The following HNRNPC variants were observed in gnomAD, a reference collection of about 807,000 sequenced individuals.
HNRNPC encodes heterogeneous nuclear ribonucleoproteins C1/C2.
Under a neutral mutation model 33.2 loss-of-function variants are expected in HNRNPC, and 3 were observed. The observed-to-expected ratio is 0.09, with a 90% CI of 0.04 to 0.23. The LOEUF (loss-of-function observed/expected upper bound fraction) is 0.23. HNRNPC is among the 10% of genes least tolerant of loss of function. The pLI, the probability that HNRNPC is intolerant of heterozygous loss-of-function variation, is 1.00. For synonymous variants in HNRNPC, 121 were observed against 126.7 expected (o/e 0.96, Z 0.30); for missense variants, 143 against 366.7 (o/e 0.39, Z 4.98).
chr14:21,239,471 T>G (rs1045006239), intron 2 of HNRNPC, among the ~76,000 whole-genome samples: 4 of 151,788 alleles, frequency 2.6e-5, no homozygotes, highest in African/African-American at 4.8e-5. Context: ...AGAGTGAGAT[T>G]CTACCTCAAA....
intron 2 of HNRNPC, among the ~76,000 whole-genome samples, chr14:21,257,405 A>T (rs1488776034): frequency 6.6e-6 from 1 of 152,108 alleles, no homozygotes; most frequent in Non-Finnish European, 1.5e-5. Context: ...AAAACGTTTC[A>T]AGGAAGAGAT....
At chr14:21,222,752 G>T (rs897218963) in intron 5 of HNRNPC, among the ~76,000 whole-genome samples, 1 of 152,046 alleles carries the variant, frequency 6.6e-6, no homozygotes, top group African/African-American at 2.4e-5. Context: ...AAATTAGCCG[G>T]GCCTTGTGGC....
At chr14:21,246,470 G>A (rs911099480) in intron 2 of HNRNPC, among the ~76,000 whole-genome samples, 3 of 151,754 alleles carry the variant, frequency 2.0e-5, no homozygotes, top group African/African-American at 7.3e-5. Flanking sequence ...GGAGGCTGAG[G>A]CAGGAAAATG....
chr14:21,222,587 G>A (rs1026434977), intron 5 of HNRNPC, among the ~76,000 whole-genome samples: 1 of 151,964 alleles, frequency 6.6e-6, no homozygotes, highest in Non-Finnish European at 1.5e-5. Flanking sequence ...AGTTTTTCTG[G>A]TACATCTTTA....
intron 5 of HNRNPC, among the ~76,000 whole-genome samples, chr14:21,220,184 G>A (rs996457243): frequency 6.6e-6 from 1 of 151,186 alleles, no homozygotes; most frequent in Non-Finnish European, 1.5e-5. Context: ...TATGCCTTAT[G>A]CGTCACGTGA....
At chr14:21,257,149 T>G (rs192683588) in intron 2 of HNRNPC, among the ~76,000 whole-genome samples, 42 of 152,138 alleles carry the variant, frequency 2.8e-4, no homozygotes, top group African/African-American at 1.0e-3. Flanking sequence ...TTCAACAGAG[T>G]TGTCATGCAG....
Position 21,209,487 on chromosome 14 carries a change from A to G in HNRNPC, c.*1736T>C, listed in dbSNP as rs1358296078. 6.6e-6 allele frequency: 1 copy of G among 152,224 alleles called. No homozygotes were observed. Among genetic ancestry groups the G allele is most frequent in the Non-Finnish European group, 1.5e-5 (1 of 68,020 alleles). 9.4% of individuals were successfully genotyped at this position (152,224 alleles called of 1,614,324 possible). A position where few individuals can be genotyped will look rare whatever the true frequency, so the allele number is the denominator to read the frequency against. On this transcript the variant is annotated 3_prime_UTR_variant, in exon 9 of 9. Coordinates refer to ENST00000553300, the MANE Select transcript of HNRNPC (RefSeq NM_004500.4). ...GTTACTTACTAAAAGTCTGTGTAAC[A>G]TGAGCTCACATCAGATTAGAAAACA...
chr14:21,211,777 T>TTATA, intron 7 of HNRNPC, 33 bp downstream of exon 7: 1 of 1,576,182 alleles, frequency 6.3e-7, no homozygotes, highest in Non-Finnish European at 8.7e-7. Context: ...CTAACCCAAC[T>TTATA]GTATACCAAG....
At chr14:21,237,462 C>A (rs969695014) in intron 2 of HNRNPC, among the ~76,000 whole-genome samples, 4 of 152,194 alleles carry the variant, frequency 2.6e-5, no homozygotes, top group Admixed American at 2.0e-4. Flanking sequence ...AACAATTCCA[C>A]ATATTCTTCT....
intron 2 of HNRNPC, among the ~76,000 whole-genome samples, chr14:21,261,545 A>G (rs1363177168): frequency 6.6e-6 from 1 of 152,144 alleles, no homozygotes; most frequent in Middle Eastern, 3.2e-3. Flanking sequence ...CGAGTATGGT[A>G]TAAGGGGGCA....
intron 2 of HNRNPC, among the ~76,000 whole-genome samples, chr14:21,253,568 G>T (rs1483948058): frequency 6.7e-6 from 1 of 150,272 alleles, no homozygotes; most frequent in African/African-American, 2.4e-5. Context: ...AGACAACATT[G>T]TATCAATGTT....
At chr14:21,227,718 A>G (rs911435129) in intron 5 of HNRNPC, among the ~76,000 whole-genome samples, 5 of 152,164 alleles carry the variant, frequency 3.3e-5, no homozygotes, top group African/African-American at 1.2e-4. Flanking sequence ...CCCTGCTCAA[A>G]TTTTCAAATT....
chr14:21,268,649 T>C (rs908204679), intron 1 of HNRNPC: 2 of 152,208 alleles, frequency 1.3e-5, no homozygotes, highest in African/African-American at 4.8e-5. Flanking sequence ...CTAACTTATA[T>C]ATTTCAAGTG....
intron 2 of HNRNPC, among the ~76,000 whole-genome samples, chr14:21,245,308 C>T (rs908581788): frequency 6.6e-6 from 1 of 151,942 alleles, no homozygotes; most frequent in African/African-American, 2.4e-5. Flanking sequence ...CCAGCCTGAC[C>T]AACATGGAGA....
chr14:21,268,731 A>C (rs1204809749), intron 1 of HNRNPC: 1 of 152,226 alleles, frequency 6.6e-6, no homozygotes, highest in Non-Finnish European at 1.5e-5. Context: ...CCTTTTACAA[A>C]TGTAAGTGAA....
intron 2 of HNRNPC, among the ~76,000 whole-genome samples, chr14:21,253,655 T>C (rs932096497): frequency 1.3e-5 from 2 of 152,046 alleles, no homozygotes; most frequent in Admixed American, 1.3e-4. Context: ...CAGGGTCAAA[T>C]CTTAAAGCAA....
intron 2 of HNRNPC, among the ~76,000 whole-genome samples, chr14:21,243,113 G>T (rs866668642): frequency 1.3e-5 from 2 of 152,136 alleles, no homozygotes; most frequent in Non-Finnish European, 2.9e-5. Flanking sequence ...GGAGAGGTGG[G>T]GGGGTGGGCA....
intron 5 of HNRNPC, among the ~76,000 whole-genome samples, chr14:21,214,713 CAT>C (rs1374162464): frequency 3.9e-4 from 60 of 152,302 alleles, no homozygotes; most frequent in African/African-American, 1.4e-3. Flanking sequence ...CCCATTTTGA[CAT>C]AAAGCTTTTG....
At chr14:21,219,171 A>T (rs1157872848) in intron 5 of HNRNPC, among the ~76,000 whole-genome samples, 1 of 152,064 alleles carries the variant, frequency 6.6e-6, no homozygotes, top group Non-Finnish European at 1.5e-5. Flanking sequence ...TAAAATTCTC[A>T]TTTTATCAAC....
Sources: allele counts gnomAD v4.1 joint callset (sites outside exome capture counted in the v4.1 genomes callset), GRCh38; gene constraint gnomAD v4.1.1; transcripts MANE v1.5; gene names NCBI Gene and HGNC (gene_info 2026-07-23, HGNC 2026-07-21).